Variants in SASH1 observed in about 807,000 individuals in gnomAD.
SASH1 encodes SAM and SH3 domain-containing protein 1.
A neutral mutation model predicts 125.2 loss-of-function variants in SASH1; 44 were observed. That is an observed-to-expected ratio of 0.35 (90% CI 0.28 to 0.45). SASH1 has a LOEUF of 0.45. Ranked by LOEUF, SASH1 falls within the 20% of genes least tolerant of loss-of-function variation. SASH1 has a pLI of 1.00. For missense variants in SASH1, 1,426 were observed against 1,614.5 expected, an observed-to-expected ratio of 0.88 and a Z score of 2.00; for synonymous variants, 639 against 649.1, an observed-to-expected ratio of 0.98 and a Z score of 0.24.
the SASH1 span, among the ~76,000 whole-genome samples, chr6:148,243,179 G>A: frequency 2.0e-4 from 31 of 152,118 alleles, no homozygotes; most frequent in African/African-American, 7.0e-4. Flanking sequence ...GGCCAGGCAC[G>A]GTGGCTCATG....
chr6:148,387,203 C>T (rs551269745), intron 1 of SASH1, among the ~76,000 whole-genome samples: 6 of 150,888 alleles, frequency 4.0e-5, no homozygotes, highest in Admixed American at 6.6e-5. Context: ...CTGCAGCCTC[C>T]GCCTTCTGGT....
At chr6:148,229,964 G>A in the SASH1 span, among the ~76,000 whole-genome samples, 5 of 151,880 alleles carry the variant, frequency 3.3e-5, no homozygotes, top group African/African-American at 9.7e-5. Flanking sequence ...CACCCGCCTC[G>A]GCCTCCCAAA....
At chr6:148,402,752 G>A (rs953007897) in intron 2 of SASH1, among the ~76,000 whole-genome samples, 1 of 151,890 alleles carries the variant, frequency 6.6e-6, no homozygotes, top group African/African-American at 2.4e-5. Flanking sequence ...GGGACTACAG[G>A]CGCCCGCCAC....
At chr6:148,445,900 G>A (rs750819285) in intron 4 of SASH1, among the ~76,000 whole-genome samples, 7 of 151,958 alleles carry the variant, frequency 4.6e-5, no homozygotes, top group South Asian at 2.1e-4. Flanking sequence ...GAACTGTCAC[G>A]AGCTTACGTT....
chr6:148,372,917 G>A (rs868665898), intron 1 of SASH1, among the ~76,000 whole-genome samples: 8 of 152,100 alleles, frequency 5.3e-5, no homozygotes, highest in African/African-American at 9.7e-5. Context: ...ATAAGGGGCC[G>A]GGCACGGTGG....
chr6:148,343,419 C>T (rs902644626), intron 1 of SASH1, among the ~76,000 whole-genome samples, 196 bp downstream of exon 1: 1 of 152,170 alleles, frequency 6.6e-6, no homozygotes, highest in Non-Finnish European at 1.5e-5. Context: ...AGCCACAGGT[C>T]CCGTCAAAAG....
the SASH1 span, among the ~76,000 whole-genome samples, chr6:148,218,983 T>C: frequency 2.0e-5 from 3 of 152,202 alleles, no homozygotes; most frequent in Admixed American, 6.5e-5. Flanking sequence ...AGCCTGAAAG[T>C]GGATGGAGGT....
intron 1 of SASH1, among the ~76,000 whole-genome samples, chr6:148,322,624 C>T (rs1215312144): frequency 1.3e-5 from 2 of 152,160 alleles, no homozygotes; most frequent in Non-Finnish European, 2.9e-5. Flanking sequence ...ACGTTTCTTG[C>T]TGCTGTGACT....
chr6:148,258,288 A>G, the SASH1 span, among the ~76,000 whole-genome samples: 1 of 152,186 alleles, frequency 6.6e-6, no homozygotes, highest in Non-Finnish European at 1.5e-5. Flanking sequence ...TAGCAAACTA[A>G]AGAATCCTAA....
At chr6:148,375,734 C>T (rs1782865416) in intron 1 of SASH1, among the ~76,000 whole-genome samples, 16 of 152,176 alleles carry the variant, frequency 1.1e-4, no homozygotes, top group Admixed American at 8.5e-4. Context: ...AGATAATACA[C>T]ATGTGCCGGA....
chr6:148,220,055 G>A, the SASH1 span, among the ~76,000 whole-genome samples: 1 of 152,200 alleles, frequency 6.6e-6, no homozygotes, highest in African/African-American at 2.4e-5. Context: ...AGCACCTCCA[G>A]TAATTCTTCT....
chr6:148,453,174 T>C (rs1383396584), intron 4 of SASH1, among the ~76,000 whole-genome samples: 1 of 152,182 alleles, frequency 6.6e-6, no homozygotes, highest in Non-Finnish European at 1.5e-5. Context: ...CTGCCCTGTG[T>C]CCTTTGCCGG....
chr6:148,256,780 T>C, the SASH1 span, among the ~76,000 whole-genome samples: 1 of 152,196 alleles, frequency 6.6e-6, no homozygotes, highest in Non-Finnish European at 1.5e-5. Flanking sequence ...TATGCATTTG[T>C]CAAATCTTAT....
intron 2 of SASH1, among the ~76,000 whole-genome samples, chr6:148,425,828 G>A (rs2114960618): frequency 6.7e-6 from 1 of 149,930 alleles, no homozygotes; most frequent in East Asian, 2.0e-4. Context: ...GCCTCCTAGG[G>A]TCAAGTGATT....
the SASH1 span, among the ~76,000 whole-genome samples, chr6:148,246,791 A>T: frequency 6.6e-6 from 1 of 152,258 alleles, no homozygotes; most frequent in African/African-American, 2.4e-5. Context: ...AAACAAAATG[A>T]TTTGTAAATT....
intron 2 of SASH1, among the ~76,000 whole-genome samples, chr6:148,392,476 T>A (rs1346915881): frequency 6.6e-6 from 1 of 152,184 alleles, no homozygotes; most frequent in East Asian, 1.9e-4. Flanking sequence ...ATACAAGGGT[T>A]CTGTGAGTCC....
At chr6:148,436,208 T>G (rs1776284405) in intron 2 of SASH1, among the ~76,000 whole-genome samples, 1 of 152,054 alleles carries the variant, frequency 6.6e-6, no homozygotes, top group South Asian at 2.1e-4. Context: ...TATCTTACCA[T>G]AGGAGGCTGT....
chr6:148,332,007 T>C (rs1200829194), intron 1 of SASH1, among the ~76,000 whole-genome samples: 1 of 152,140 alleles, frequency 6.6e-6, no homozygotes, highest in Non-Finnish European at 1.5e-5. Context: ...AGGATTTACA[T>C]CCCTGCAGCC....
chr6:148,344,173 C>G (rs1781441238), intron 1 of SASH1, among the ~76,000 whole-genome samples: 1 of 152,172 alleles, frequency 6.6e-6, no homozygotes, highest in Non-Finnish European at 1.5e-5. Flanking sequence ...GTAAGTTATA[C>G]TAGGTCAAAT....
Sources: allele counts gnomAD v4.1 joint callset (sites outside exome capture counted in the v4.1 genomes callset), GRCh38; gene constraint gnomAD v4.1.1; transcripts MANE v1.5; gene names NCBI Gene and HGNC (gene_info 2026-07-23, HGNC 2026-07-21).